The following FIG4 variants were observed in gnomAD, a reference collection of about 807,000 sequenced individuals.
The protein encoded by FIG4 is polyphosphoinositide phosphatase.
Under a neutral mutation model 118.6 loss-of-function variants are expected in FIG4, and 112 were observed. The observed-to-expected ratio is 0.94, with a 90% CI of 0.81 to 1.11. FIG4 has a LOEUF of 1.11. FIG4 is among the 50% of genes least tolerant of loss of function. The pLI is 0.00. For synonymous variants in FIG4, 369 were observed against 381.2 expected, an observed-to-expected ratio of 0.97 and a Z score of 0.37; for missense variants, 969 against 1,111.7, an observed-to-expected ratio of 0.87 and a Z score of 1.83.
intron 10 of FIG4, among the ~76,000 whole-genome samples, chr6:109,759,478 A>G (rs903963706): frequency 1.3e-5 from 2 of 152,228 alleles, no homozygotes; most frequent in Non-Finnish European, 2.9e-5. Flanking sequence ...TTGATGTTGT[A>G]AGGAAGATAC....
At chr6:109,759,976 T>C (rs1368722573) in intron 10 of FIG4, among the ~76,000 whole-genome samples, 8 of 152,122 alleles carry the variant, frequency 5.3e-5, no homozygotes, top group Non-Finnish European at 1.0e-4. Context: ...ATGGCCCACG[T>C]TGGGTAAGCT....
intron 15 of FIG4, among the ~76,000 whole-genome samples, chr6:109,770,505 T>C (rs1003138973): frequency 2.6e-5 from 4 of 152,174 alleles, no homozygotes; most frequent in African/African-American, 9.7e-5. Context: ...TAGGTTGTTT[T>C]TGCGTTGCTA....
intron 16 of FIG4, among the ~76,000 whole-genome samples, chr6:109,778,396 G>C (rs1777683473): frequency 1.3e-5 from 2 of 151,572 alleles, no homozygotes; most frequent in Admixed American, 1.3e-4. Flanking sequence ...CTTGAGCCCA[G>C]GAGGCAGAGG....
chr6:109,695,324 CAAAAA>C lies in FIG4; in HGVS notation c.66+3824_66+3828del, dbSNP rs929552570. 1.3e-5 allele frequency among the ~76,000 whole-genome samples: 2 copies of C among 151,890 alleles called. 1 individual carries two copies. On this transcript the variant is annotated intron_variant, in intron 1 of 22. Transcript: ENST00000230124. ...AAGGATTCTTTTTAAGATGAGGAAA[CAAAAA>C]GAAGTCAGAAGGAGCAAAATTGGAA...
chr6:109,717,721 G>A (rs1775477321), intron 3 of FIG4, among the ~76,000 whole-genome samples: 2 of 152,148 alleles, frequency 1.3e-5, no homozygotes, highest in Admixed American at 1.3e-4. Flanking sequence ...AAGGGTGACA[G>A]CAGAGGCACA....
In FIG4 at chr6:109,743,742, C is replaced by T; in HGVS notation, c.1107C>T (p.Gly369=). ...LHFDQMFQRF[G]SPIIILNLVK... is the part of the protein sequence containing the mutation. ...TTGACCAGATGTTCCAGAGGTTTGG[C>T]TCTCCCATCATCATCTTGAATTTAG... is the stretch of plus-strand genomic sequence containing the variant. Residue 369 remains glycine, a synonymous_variant, in exon 10 of 23, where the codon GGC becomes GGT. Transcript: ENST00000230124. The T allele has an allele frequency of 3.1e-6, 5 of 1,612,640 alleles. No homozygotes were observed. Among genetic ancestry groups the T allele is most frequent in the African/African-American group, 1.3e-5 (1 of 74,940 alleles).
intron 1 of FIG4, among the ~76,000 whole-genome samples, chr6:109,695,970 C>T (rs952333216): frequency 6.6e-6 from 1 of 152,182 alleles, no homozygotes; most frequent in Non-Finnish European, 1.5e-5. Flanking sequence ...CATCTGTTCT[C>T]TTTAATCAGG....
At chr6:109,766,982 T>G (rs1165521006) in intron 15 of FIG4, 87 bp downstream of exon 15, 1 of 1,088,632 alleles carries the variant, frequency 9.2e-7, no homozygotes, top group East Asian at 2.5e-5. Flanking sequence ...TAAGTGAAAT[T>G]AAAATTTAAT....
intron 4 of FIG4, among the ~76,000 whole-genome samples, chr6:109,727,946 A>G (rs892515211): frequency 6.6e-6 from 1 of 152,196 alleles, no homozygotes; most frequent in African/African-American, 2.4e-5. Flanking sequence ...TGACAACTAA[A>G]TGCAGATTTT....
chr6:109,747,308 C>G (rs763436235), intron 10 of FIG4, among the ~76,000 whole-genome samples: 1 of 152,020 alleles, frequency 6.6e-6, no homozygotes, highest in Non-Finnish European at 1.5e-5. Context: ...CAGAGCTTGT[C>G]TTGGGGATCT....
intron 15 of FIG4, among the ~76,000 whole-genome samples, chr6:109,776,365 G>A (rs765904249): frequency 3.9e-5 from 6 of 152,196 alleles, no homozygotes; most frequent in Non-Finnish European, 8.8e-5. Context: ...CAGGCTCACA[G>A]CTGACAGGGA....
chr6:109,752,669 C>T (rs1031832475), intron 10 of FIG4, among the ~76,000 whole-genome samples: 1 of 152,052 alleles, frequency 6.6e-6, no homozygotes, highest in Non-Finnish European at 1.5e-5. Flanking sequence ...ATCCTTTTCC[C>T]ACTTTTTGAT....
chr6:109,791,906 T>C (rs983567767), intron 20 of FIG4, among the ~76,000 whole-genome samples: 1 of 152,224 alleles, frequency 6.6e-6, no homozygotes, highest in African/African-American at 2.4e-5. Context: ...AGACGTGGCC[T>C]TCACAATCTT....
intron 10 of FIG4, among the ~76,000 whole-genome samples, chr6:109,757,088 C>T (rs1236572908): frequency 6.6e-6 from 1 of 152,162 alleles, no homozygotes; most frequent in Admixed American, 6.5e-5. Flanking sequence ...GCTCCTCCCC[C>T]TCTCTTTTTT....
intron 4 of FIG4, among the ~76,000 whole-genome samples, chr6:109,731,828 G>C (rs560814326): frequency 1.3e-5 from 2 of 152,284 alleles, no homozygotes; most frequent in South Asian, 4.1e-4. Context: ...ACTGTATATA[G>C]TGAAGACCAA....
chr6:109,772,040 G>C (rs903289574), intron 15 of FIG4, among the ~76,000 whole-genome samples: 4 of 152,000 alleles, frequency 2.6e-5, no homozygotes, highest in Non-Finnish European at 5.9e-5. Context: ...CTCTCTACCT[G>C]CTCCACTTGG....
Position 109,795,217 on chromosome 6 carries a change from G to C in FIG4, c.2460-1548G>C, listed in dbSNP as rs113226458. Among the ~76,000 whole-genome samples the C allele has an allele frequency of 6.2e-4, 88 of 142,060 alleles. 1 individual carries two copies. Among genetic ancestry groups the C allele is most frequent in the African/African-American group, 2.2e-3 (86 of 38,384 alleles). 93.2% of individuals were successfully genotyped at this position (142,060 alleles called of 152,430 possible). A position where few individuals can be genotyped will look rare whatever the true frequency, so the allele number is the denominator to read the frequency against. Reference sequence around the variant, plus strand: ...TCGGCTCACTGCAAGCTCCGCTTCCGGGGTTCACGCCATTCTCCTGCCTCA... The same window carrying C: ...TCGGCTCACTGCAAGCTCCGCTTCCCGGGTTCACGCCATTCTCCTGCCTCA... On this transcript the variant is annotated intron_variant, in intron 21 of 22. Transcript: ENST00000230124.
chr6:109,822,903 A>AGT (rs1182426146), intron 22 of FIG4, among the ~76,000 whole-genome samples: 1 of 149,076 alleles, frequency 6.7e-6, no homozygotes, highest in Non-Finnish European at 1.5e-5. Context: ...ATATATATAT[A>AGT]GTGTGTGTGT....
intron 22 of FIG4, among the ~76,000 whole-genome samples, chr6:109,817,418 GGGAAA>G (rs1778890804): frequency 6.6e-6 from 1 of 152,096 alleles, no homozygotes; most frequent in Non-Finnish European, 1.5e-5. Flanking sequence ...GCATATGGGA[GGGAAA>G]TTGTACTGTT....
Sources: allele counts gnomAD v4.1 joint callset (sites outside exome capture counted in the v4.1 genomes callset), GRCh38; gene constraint gnomAD v4.1.1; transcripts MANE v1.5; gene names NCBI Gene and HGNC (gene_info 2026-07-23, HGNC 2026-07-21).